Variants in RREB1 observed in about 807,000 individuals in gnomAD.
The protein encoded by RREB1 is ras-responsive element-binding protein 1.
In RREB1, 27 loss-of-function variants were observed where a neutral mutation model predicts 117.8. The observed-to-expected ratio is 0.23, with a 90% CI of 0.17 to 0.32. RREB1 has a LOEUF of 0.32. Ranked by LOEUF, RREB1 falls within the 10% of genes least tolerant of loss-of-function variation. RREB1 has a pLI of 1.00. For synonymous variants in RREB1, 1,298 were observed against 1,026.7 expected (o/e 1.26, Z -5.05); for missense variants, 2,577 against 2,378.2 (o/e 1.08, Z -1.74).
At chr6:7,122,162 T>C (rs1302573800) in intron 1 of RREB1, among the ~76,000 whole-genome samples, 3 of 152,258 alleles carry the variant, frequency 2.0e-5, no homozygotes, top group African/African-American at 7.2e-5. Context: ...AAGAAGCTTC[T>C]CTTTTATAAG....
chr6:7,124,374 T>C (rs1761818122), intron 1 of RREB1, among the ~76,000 whole-genome samples: 1 of 152,210 alleles, frequency 6.6e-6, no homozygotes, highest in South Asian at 2.1e-4. Flanking sequence ...TTTATGTCAT[T>C]GTTATCTTTG....
chr6:7,178,018 C>G (rs1441751303), intron 2 of RREB1, among the ~76,000 whole-genome samples: 1 of 151,916 alleles, frequency 6.6e-6, no homozygotes, highest in Non-Finnish European at 1.5e-5. Flanking sequence ...CCACTGTGCC[C>G]GGCCCCGGCT....
At position 7,231,111 on chromosome 6, in the gene RREB1, A is replaced by G; in HGVS notation, c.3012A>G (p.Pro1004=). The change falls in exon 10 of 13, where the codon CCA becomes CCG. Residue 1004 remains proline (P), a synonymous_variant. Coordinates refer to ENST00000379938, the MANE Select transcript of RREB1 (RefSeq NM_001003699.4). The part of the protein sequence containing the change: ...APAPAATPEP[P]AQPLQGPVQL... ...CTCCGGCGGCCACCCCGGAACCCCC[A>G]GCACAGCCCCTGCAGGGCCCTGTTC... The G allele has an allele frequency of 6.2e-7, 1 of 1,612,810 alleles. No individual in the cohort carries two copies. The highest frequency in any genetic ancestry group is 1.7e-5 in the Admixed American group (1 of 59,998).
In RREB1 at chr6:7,229,542, C is replaced by T. The variant is rs1421308134; in HGVS notation, c.1443C>T (p.Pro481=). The T allele has an allele frequency of 6.2e-7, 1 of 1,614,058 alleles. No homozygotes were observed. The highest frequency in any genetic ancestry group is 2.2e-5 in the East Asian group (1 of 44,880). ...QQILKMAASA[P]PQISLPPFSK... is the part of the protein sequence containing the mutation. ...TTCTGAAGATGGCAGCCTCGGCTCC[C>T]CCTCAGATCAGTCTTCCGCCCTTCT... Residue 481 remains proline, a synonymous_variant, in exon 10 of 13, where the codon CCC becomes CCT. Coordinates refer to ENST00000379938, the MANE Select transcript of RREB1 (RefSeq NM_001003699.4). The surrounding 1 kb of genome is among the most constrained non-coding windows in gnomAD (Gnocchi z 4.5).
Position 7,160,325 on chromosome 6 carries a change from TAA to T in RREB1, c.-284-16329_-284-16328del, listed in dbSNP as rs1406017388. 5.3e-5 allele frequency among the ~76,000 whole-genome samples: 8 copies of T among 152,236 alleles called. No homozygotes were observed. The East Asian group carries it at 1.5e-3, about 29-fold the overall frequency. ...TCTGGTATATTTTCAAAAATTATGT[TAA>T]GTTTTTTTAAAAAAAAATAGTGACA... On this transcript the variant is annotated intron_variant, in intron 1 of 12. Transcript: ENST00000379938.
intron 1 of RREB1, among the ~76,000 whole-genome samples, chr6:7,162,938 T>G (rs1258935059): frequency 1.3e-5 from 2 of 152,056 alleles, no homozygotes; most frequent in Non-Finnish European, 2.9e-5. Context: ...AGCCTCAACC[T>G]CCCTGGGCTC....
chr6:7,198,792 TA>T lies in RREB1; in HGVS notation c.425+9479del, dbSNP rs201666174. ...CTGAAACTTCTCTTTTCAACCAGAT[TA>T]AAAAAAAATATGTAAGTGTAATATC... On this transcript the variant is annotated intron_variant, in intron 6 of 12. Coordinates refer to ENST00000379938, the MANE Select transcript of RREB1 (RefSeq NM_001003699.4). Among the ~76,000 whole-genome samples the T allele has an allele frequency of 3.3e-3, 502 of 151,520 alleles. 4 individuals are homozygous for T. Among genetic ancestry groups the T allele is most frequent in the African/African-American group, 0.011 (472 of 41,372 alleles).
intron 1 of RREB1, among the ~76,000 whole-genome samples, chr6:7,149,672 T>G (rs1763025243): frequency 6.6e-6 from 1 of 152,176 alleles, no homozygotes; most frequent in Non-Finnish European, 1.5e-5. Flanking sequence ...TCAGCAGAAA[T>G]TATTAGGTTT....
rs1234463875 is a variant in RREB1 at position 7,178,664 on chromosome 6, A to G, written c.-166+1891A>G. On this transcript the variant is annotated intron_variant, in intron 2 of 12. Transcript: ENST00000379938. Reference sequence around the variant, plus strand: ...GGAACAGATTCTCAGGGATGAGGCCAGTGACTCTTTTCTTTTTTTCAAACA... The same window carrying G: ...GGAACAGATTCTCAGGGATGAGGCCGGTGACTCTTTTCTTTTTTTCAAACA... 4.6e-5 allele frequency among the ~76,000 whole-genome samples: 7 copies of G among 152,176 alleles called. 1 individual carries two copies. Among genetic ancestry groups the G allele is most frequent in the African/African-American group, 1.7e-4 (7 of 41,424 alleles).
intron 8 of RREB1, chr6:7,213,109 A>AG (rs1212053905): frequency 6.6e-6 from 1 of 152,210 alleles, no homozygotes; most frequent in African/African-American, 2.4e-5. Flanking sequence ...TTCAAATTGA[A>AG]GGAGGGCAGG....
intron 2 of RREB1, among the ~76,000 whole-genome samples, chr6:7,180,912 TGC>T (rs573203357): frequency 7.2e-4 from 109 of 152,280 alleles, no homozygotes; most frequent in African/African-American, 2.2e-3. Flanking sequence ...GTTGGGAGTG[TGC>T]GTAACAGGCA....
chr6:7,246,076 T>C (rs1283013965), intron 11 of RREB1, among the ~76,000 whole-genome samples: 2 of 152,194 alleles, frequency 1.3e-5, no homozygotes, highest in Non-Finnish European at 2.9e-5. Flanking sequence ...GCTGCGAGTC[T>C]CTGGAATGCA....
At chr6:7,151,692 AC>A (rs1763130824) in intron 1 of RREB1, among the ~76,000 whole-genome samples, 1 of 152,228 alleles carries the variant, frequency 6.6e-6, no homozygotes, top group African/African-American at 2.4e-5. Flanking sequence ...CTGAGCACAC[AC>A]TGCAGTTCCC....
At chr6:7,117,550 C>T (rs1421744303) in intron 1 of RREB1, among the ~76,000 whole-genome samples, 4 of 151,388 alleles carry the variant, frequency 2.6e-5, no homozygotes, top group South Asian at 4.2e-4. Flanking sequence ...GGATTACAGG[C>T]GCCTACCACC....
chr6:7,123,335 G>T (rs540773759), intron 1 of RREB1, among the ~76,000 whole-genome samples: 1 of 151,464 alleles, frequency 6.6e-6, no homozygotes, highest in Admixed American at 6.6e-5. Flanking sequence ...CTAATTTTTT[G>T]TATTTTAATG....
Position 7,205,949 on chromosome 6 carries a change from A to G in RREB1, c.426-4855A>G, listed in dbSNP as rs564242983. Among the ~76,000 whole-genome samples the G allele has an allele frequency of 1.0e-3, 157 of 152,308 alleles. 3 individuals are homozygous for G. In the South Asian group the frequency reaches 0.031, roughly 30 times the overall value. Reference sequence around the variant, plus strand: ...GTGCTCAGATTTGGGGGTTTTTTCCACGTTTAAAAAACATCTGCTATATTT... The same window carrying G: ...GTGCTCAGATTTGGGGGTTTTTTCCGCGTTTAAAAAACATCTGCTATATTT... On this transcript the variant is annotated intron_variant, in intron 6 of 12. Transcript: ENST00000379938.
At chr6:7,174,151 CTTTTTT>C (rs59106767) in intron 1 of RREB1, among the ~76,000 whole-genome samples, 2 of 131,080 alleles carry the variant, frequency 1.5e-5, no homozygotes, top group African/African-American at 2.9e-5. Flanking sequence ...CTAGTCTTTC[CTTTTTT>C]TTTTTTTTTT....
chr6:7,196,036 A>T (rs938702205), intron 6 of RREB1, among the ~76,000 whole-genome samples: 3 of 152,072 alleles, frequency 2.0e-5, no homozygotes, highest in African/African-American at 7.2e-5. Context: ...ACAACTACAC[A>T]GCTTACCCTT....
chr6:7,131,757 C>T (rs936193331), intron 1 of RREB1, among the ~76,000 whole-genome samples: 9 of 152,194 alleles, frequency 5.9e-5, no homozygotes, highest in Non-Finnish European at 7.3e-5. Flanking sequence ...GCCACACGCC[C>T]GGCCAAAGCT....
Sources: gnomAD v4.1 joint callset for allele counts (sites outside exome capture counted in the v4.1 genomes callset) on GRCh38, gnomAD v4.1.1 for gene constraint, Gnocchi (gnomAD v3.1) non-coding constraint, MANE v1.5 for transcripts, NCBI Gene and HGNC (gene_info 2026-07-23, HGNC 2026-07-21) for gene names.